ARHGAP24: variants seen among roughly 807,000 people sequenced by gnomAD.
ARHGAP24 encodes the protein rho GTPase-activating protein 24.
ARHGAP24 carries 50 observed loss-of-function variants against 76.4 expected under a neutral mutation model. The ratio of observed to expected loss-of-function variants is 0.65; its 90% CI spans 0.52 to 0.83. The LOEUF is 0.83. Ranked by LOEUF, ARHGAP24 falls within the 40% of genes least tolerant of loss-of-function variation. The pLI is 0.00. For synonymous variants in ARHGAP24, 345 were observed against 323.3 expected (o/e 1.07, Z -0.72); for missense variants, 930 against 914.2 (o/e 1.02, Z -0.22).
intron 3 of ARHGAP24, among the ~76,000 whole-genome samples, chr4:85,752,693 AT>A (rs1283087368): frequency 2.0e-5 from 3 of 152,140 alleles, no homozygotes; most frequent in Non-Finnish European, 1.5e-5. Flanking sequence ...CTGTCAGCAA[AT>A]TGCTTCACTT....
At chr4:85,576,312 A>T (rs1310952717) in intron 2 of ARHGAP24, among the ~76,000 whole-genome samples, 1 of 152,022 alleles carries the variant, frequency 6.6e-6, no homozygotes, top group Non-Finnish European at 1.5e-5. Flanking sequence ...CGCCTGTAGT[A>T]CCACCTACTC....
chr4:85,543,413 G>A (rs530326916), intron 1 of ARHGAP24, among the ~76,000 whole-genome samples: 1 of 152,322 alleles, frequency 6.6e-6, no homozygotes, highest in African/African-American at 2.4e-5. Context: ...TGGTTAGCAT[G>A]GAGGGAATGC....
At chr4:85,954,536 A>G (rs1414175524) in intron 5 of ARHGAP24, among the ~76,000 whole-genome samples, 3 of 152,240 alleles carry the variant, frequency 2.0e-5, no homozygotes, top group African/African-American at 7.2e-5. Flanking sequence ...GAATATCCTA[A>G]TACCTACTTG....
chr4:85,818,170 A>G (rs1042319836), intron 3 of ARHGAP24, among the ~76,000 whole-genome samples: 1 of 152,194 alleles, frequency 6.6e-6, no homozygotes, highest in Admixed American at 6.5e-5. Context: ...GAAGTAGAAT[A>G]ATCTCTCTAA....
chr4:85,520,849 TAGAGAGG>T (rs1466300815), intron 1 of ARHGAP24, among the ~76,000 whole-genome samples: 31 of 152,222 alleles, frequency 2.0e-4, no homozygotes, highest in Middle Eastern at 6.8e-3. Flanking sequence ...CCAATGAAGA[TAGAGAGG>T]CACAGTGTGG....
chr4:85,886,003 T>C (rs1250900151), intron 3 of ARHGAP24, among the ~76,000 whole-genome samples: 4 of 152,168 alleles, frequency 2.6e-5, no homozygotes, highest in Non-Finnish European at 5.9e-5. Flanking sequence ...AACTATTAAT[T>C]AAAGTCACAA....
intron 3 of ARHGAP24, among the ~76,000 whole-genome samples, chr4:85,774,933 C>T (rs570886631): frequency 6.6e-6 from 1 of 152,228 alleles, no homozygotes; most frequent in Middle Eastern, 3.4e-3. Flanking sequence ...AGATACTGTT[C>T]TGAACACTAA....
chr4:85,627,665 G>A (rs895708277), intron 2 of ARHGAP24, among the ~76,000 whole-genome samples: 14 of 152,226 alleles, frequency 9.2e-5, no homozygotes, highest in Admixed American at 3.3e-4. Flanking sequence ...CCTGCCCCCA[G>A]AAGTGGAGCC....
At chr4:85,888,503 C>T (rs1733699875) in intron 3 of ARHGAP24, among the ~76,000 whole-genome samples, 1 of 151,426 alleles carries the variant, frequency 6.6e-6, no homozygotes, top group Non-Finnish European at 1.5e-5. Context: ...TTGCTCTGAG[C>T]AGCAATTATT....
At chr4:85,982,373 T>TTTTTGTTTTGTTTTGTTTTGTTTTG (rs6148555) in intron 8 of ARHGAP24, among the ~76,000 whole-genome samples, 6,284 of 150,252 alleles carry the variant, frequency 0.042, 198 homozygotes, top group African/African-American at 0.081. Flanking sequence ...AGATAAGTTG[T>TTTTTGTTTTGTTTTGTTTTGTTTTG]TTTTGTTTTG....
At chr4:85,900,428 T>C (rs1225571189) in intron 3 of ARHGAP24, among the ~76,000 whole-genome samples, 2 of 152,010 alleles carry the variant, frequency 1.3e-5, no homozygotes, top group Non-Finnish European at 2.9e-5. Flanking sequence ...TTTTAATACA[T>C]ATACTTTTTT....
intron 3 of ARHGAP24, among the ~76,000 whole-genome samples, chr4:85,769,998 A>C (rs887734776): frequency 2.6e-5 from 4 of 152,256 alleles, no homozygotes; most frequent in African/African-American, 9.6e-5. Context: ...TTGAAGAGGA[A>C]TTAAAATAAA....
At chr4:85,972,256 C>T in intron 6 of ARHGAP24, 88 bp downstream of exon 6, 1 of 1,548,974 alleles carries the variant, frequency 6.5e-7, no homozygotes, top group Non-Finnish European at 8.8e-7. Flanking sequence ...TTCCATTGCC[C>T]TATCCCGGTG....
At chr4:85,822,337 T>TTA (rs1729510692) in intron 3 of ARHGAP24, among the ~76,000 whole-genome samples, 3 of 152,248 alleles carry the variant, frequency 2.0e-5, no homozygotes, top group Admixed American at 2.0e-4. Flanking sequence ...CTGACTTGGC[T>TTA]TAAGACTTTT....
At chr4:85,496,746 C>G (rs141519451) in intron 1 of ARHGAP24, among the ~76,000 whole-genome samples, 1 of 152,206 alleles carries the variant, frequency 6.6e-6, no homozygotes, top group Non-Finnish European at 1.5e-5. Context: ...CATTTTCACA[C>G]GAGTTTTGTA....
intron 5 of ARHGAP24, among the ~76,000 whole-genome samples, chr4:85,952,487 A>G (rs1197530933): frequency 6.6e-6 from 1 of 152,210 alleles, no homozygotes; most frequent in African/African-American, 2.4e-5. Context: ...CATTTGAATG[A>G]GAAGAAACAC....
At chr4:85,842,857 G>A (rs571361937) in intron 3 of ARHGAP24, among the ~76,000 whole-genome samples, 1 of 152,298 alleles carries the variant, frequency 6.6e-6, no homozygotes, top group South Asian at 2.1e-4. Context: ...TGTCTCATTT[G>A]ATCCTCCCAC....
chr4:85,530,970 A>G (rs1560521705), intron 1 of ARHGAP24, among the ~76,000 whole-genome samples: 1 of 152,078 alleles, frequency 6.6e-6, no homozygotes, highest in Non-Finnish European at 1.5e-5. Flanking sequence ...GCCCTTATGC[A>G]GTTTGATATT....
intron 3 of ARHGAP24, among the ~76,000 whole-genome samples, chr4:85,867,573 T>C (rs918495796): frequency 6.6e-6 from 1 of 151,936 alleles, no homozygotes; most frequent in African/African-American, 2.4e-5. Flanking sequence ...ATAGCACAAA[T>C]TGTTTGGCTT....
Sources: allele counts gnomAD v4.1 joint callset (sites outside exome capture counted in the v4.1 genomes callset), GRCh38; gene constraint gnomAD v4.1.1; transcripts MANE v1.5; gene names NCBI Gene and HGNC (gene_info 2026-07-23, HGNC 2026-07-21).